Variants in SDK1 observed in about 807,000 individuals in gnomAD.
SDK1 encodes the protein sidekick cell adhesion molecule 1.
SDK1 carries 157 observed loss-of-function variants against 245.5 expected under a neutral mutation model. The observed-to-expected ratio is 0.64, with a 90% CI of 0.56 to 0.73. SDK1 has a LOEUF of 0.73. SDK1 is among the 30% of genes least tolerant of loss of function. The pLI, the probability that SDK1 is intolerant of heterozygous loss-of-function variation, is 0.00. For missense variants in SDK1, 3,583 were observed against 3,002.3 expected (o/e 1.19, Z -4.52); for synonymous variants, 1,647 against 1,278.5 (o/e 1.29, Z -6.15).
intron 1 of SDK1, among the ~76,000 whole-genome samples, chr7:3,318,831 T>A (rs572988029): frequency 6.6e-6 from 1 of 152,310 alleles, no homozygotes; most frequent in South Asian, 2.1e-4. Flanking sequence ...TGCTCCAGAG[T>A]GAATTTAATA....
At chr7:3,304,189 C>T (rs1009554680) in intron 1 of SDK1, among the ~76,000 whole-genome samples, 3 of 152,214 alleles carry the variant, frequency 2.0e-5, no homozygotes, top group Non-Finnish European at 2.9e-5. Context: ...GGAGTTTCTT[C>T]TTTCTATGCG....
chr7:3,599,067 C>G (rs987569411), intron 1 of SDK1, among the ~76,000 whole-genome samples: 2 of 149,676 alleles, frequency 1.3e-5, no homozygotes, highest in African/African-American at 4.9e-5. Flanking sequence ...TGTGTAGCCA[C>G]CAGCAATGTG....
At chr7:3,676,509 T>C (rs759569864) in intron 4 of SDK1, among the ~76,000 whole-genome samples, 6 of 151,836 alleles carry the variant, frequency 4.0e-5, no homozygotes, top group Admixed American at 6.6e-5. Flanking sequence ...ATATTGTTAG[T>C]AGAGACGGGG....
At chr7:3,985,625 C>CA (rs1783766492) in intron 13 of SDK1, among the ~76,000 whole-genome samples, 1 of 152,050 alleles carries the variant, frequency 6.6e-6, no homozygotes, top group Non-Finnish European at 1.5e-5. Context: ...CCTGTCTATA[C>CA]AAAAAATAAA....
intron 4 of SDK1, among the ~76,000 whole-genome samples, chr7:3,714,541 T>C (rs1785144945): frequency 6.6e-6 from 1 of 152,214 alleles, no homozygotes; most frequent in South Asian, 2.1e-4. Flanking sequence ...TTGCATTTTG[T>C]TACATCTTAT....
chr7:4,134,791 AGC>A (rs1778950141), intron 28 of SDK1: 1 of 152,386 alleles, frequency 6.6e-6, no homozygotes, highest in South Asian at 2.1e-4. Context: ...GAGGCGTGGG[AGC>A]GGTGCAGGAG....
rs139266959 is a variant in SDK1, at chr7:3,961,955, G to A, written c.1235-702G>A. Among the ~76,000 whole-genome samples, 110 of 151,240 alleles carry A rather than the reference G, an allele frequency of 7.3e-4. 1 individual carries two copies. The highest frequency in any genetic ancestry group is 1.8e-3 in the African/African-American group (72 of 41,062). On this transcript the variant is annotated intron_variant, in intron 8 of 44. Coordinates refer to ENST00000404826, the MANE Select transcript of SDK1 (RefSeq NM_152744.4). ...CATATACACACACGCACATGTATAC[G>A]CATACACACATAAACACATGCACAT... is the stretch of plus-strand genomic sequence containing the variant.
chr7:3,892,758 T>G (rs1020011898), intron 5 of SDK1, among the ~76,000 whole-genome samples: 16 of 152,178 alleles, frequency 1.1e-4, no homozygotes, highest in African/African-American at 3.9e-4. Context: ...CATCCAGCTA[T>G]GCAGCCAGCT....
chr7:3,731,504 C>T (rs190068811), intron 4 of SDK1, among the ~76,000 whole-genome samples: 1 of 152,130 alleles, frequency 6.6e-6, no homozygotes, highest in Non-Finnish European at 1.5e-5. Context: ...TTCTGCTATT[C>T]TTTCATGTTT....
chr7:4,137,712 A>G (rs146801839), intron 28 of SDK1, among the ~76,000 whole-genome samples: 1 of 152,334 alleles, frequency 6.6e-6, no homozygotes, highest in Non-Finnish European at 1.5e-5. Flanking sequence ...TACTGCTGCT[A>G]TTGATTCGGC....
At position 3,962,679 on chromosome 7, in the gene SDK1, G is replaced by T; in HGVS notation, c.1257G>T (p.Gln419His). Reference sequence around the variant, plus strand: ...CAGGGGTCCCCCTTCCCACCCTCCAGTGGTACAAGGATGCCATCTCCATCA... The same window carrying T: ...CAGGGGTCCCCCTTCCCACCCTCCATTGGTACAAGGATGCCATCTCCATCA... ...QAMGVPLPTL[Q>H]WYKDAISISR... The change falls in exon 9 of 45, where the codon CAG (glutamine) becomes CAT (histidine). Residue 419 changes from glutamine (Q) to histidine (H), a missense_variant. Transcript: ENST00000404826. 6.2e-7 allele frequency: 1 copy of T among 1,612,826 alleles called. No individual in the cohort carries two copies. The highest frequency in any genetic ancestry group is 1.1e-5 in the South Asian group (1 of 90,992).
intron 4 of SDK1, among the ~76,000 whole-genome samples, chr7:3,672,874 C>T (rs940653215): frequency 2.1e-5 from 3 of 144,962 alleles, no homozygotes; most frequent in African/African-American, 7.7e-5. Context: ...CCCATCCCCA[C>T]CCTTGAGGGT....
chr7:3,712,788 AAAAGTCTTCCT>A (rs1294970875), intron 4 of SDK1, among the ~76,000 whole-genome samples: 1 of 152,254 alleles, frequency 6.6e-6, no homozygotes, highest in Non-Finnish European at 1.5e-5. Context: ...AAAGGGTCAG[AAAAGTCTTCCT>A]AAAGGAGCAG....
At chr7:3,357,079 A>G (rs1427587012) in intron 1 of SDK1, among the ~76,000 whole-genome samples, 1 of 146,990 alleles carries the variant, frequency 6.8e-6, no homozygotes, top group Non-Finnish European at 1.5e-5. Context: ...AAAAAAAGAT[A>G]CTTCTTTCTG....
At chr7:4,150,892 G>C (rs775696290) in intron 30 of SDK1, among the ~76,000 whole-genome samples, 1 of 152,248 alleles carries the variant, frequency 6.6e-6, no homozygotes, top group Non-Finnish European at 1.5e-5. Flanking sequence ...TGGCCGACCG[G>C]GCGTCTCAGT....
chr7:3,617,608 A>G (rs1383637666), intron 1 of SDK1, among the ~76,000 whole-genome samples: 1 of 152,212 alleles, frequency 6.6e-6, no homozygotes, highest in African/African-American at 2.4e-5. Flanking sequence ...ACAACATGGC[A>G]GTTCATCTGG....
chr7:3,833,691 CT>C (rs1348220636), intron 5 of SDK1, among the ~76,000 whole-genome samples: 3 of 152,192 alleles, frequency 2.0e-5, no homozygotes, highest in African/African-American at 7.2e-5. Flanking sequence ...TTGTCTTGAA[CT>C]GAGAAAATGC....
chr7:3,854,478 G>C (rs1439885423), intron 5 of SDK1, among the ~76,000 whole-genome samples: 1 of 152,136 alleles, frequency 6.6e-6, no homozygotes, highest in African/African-American at 2.4e-5. Context: ...CTAATTACTG[G>C]TGTTTGTTGT....
At chr7:3,971,268 G>A (rs1782465594) in intron 11 of SDK1, among the ~76,000 whole-genome samples, 198 bp from the exon 12 acceptor site, 1 of 152,136 alleles carries the variant, frequency 6.6e-6, no homozygotes, top group Non-Finnish European at 1.5e-5. Flanking sequence ...TGGGTTGACA[G>A]ACTGCTGCAA....
Sources: gnomAD v4.1 joint callset for allele counts (sites outside exome capture counted in the v4.1 genomes callset) on GRCh38, gnomAD v4.1.1 for gene constraint, MANE v1.5 for transcripts, NCBI Gene and HGNC (gene_info 2026-07-23, HGNC 2026-07-21) for gene names.